The following TLN2 variants were observed in gnomAD, a reference collection of about 807,000 sequenced individuals.
TLN2 encodes talin-2.
In TLN2, 118 loss-of-function variants were observed where a neutral mutation model predicts 294.7. The ratio of observed to expected loss-of-function variants is 0.40; its 90% CI spans 0.34 to 0.47. The LOEUF is 0.47. Among genes scored for constraint, TLN2 ranks in the 20% least tolerant of loss-of-function variants. The pLI, the probability that TLN2 is intolerant of heterozygous loss-of-function variation, is 0.84. For synonymous variants in TLN2, 1,431 were observed against 1,304.5 expected, an observed-to-expected ratio of 1.10 and a Z score of -2.09; for missense variants, 3,083 against 3,282.2, an observed-to-expected ratio of 0.94 and a Z score of 1.48.
At chr15:62,498,811 G>A (rs946489248) in intron 1 of TLN2, among the ~76,000 whole-genome samples, 5 of 151,972 alleles carry the variant, frequency 3.3e-5, no homozygotes, top group African/African-American at 9.7e-5. Context: ...AGGAACAGGA[G>A]AGTCTGTGAA....
intron 43 of TLN2, among the ~76,000 whole-genome samples, chr15:62,779,907 C>T (rs111875713): frequency 1.6e-4 from 24 of 152,338 alleles, no homozygotes; most frequent in African/African-American, 5.5e-4. Flanking sequence ...CTTTCACTCA[C>T]AGTGCAGTAC....
At chr15:62,561,842 C>T (rs1438828002) in intron 1 of TLN2, among the ~76,000 whole-genome samples, 1 of 152,062 alleles carries the variant, frequency 6.6e-6, no homozygotes, top group African/African-American at 2.4e-5. Flanking sequence ...TGCTCCCTAC[C>T]CCACTTTTTC....
chr15:62,630,142 C>CTG (rs10683727), intron 3 of TLN2, among the ~76,000 whole-genome samples: 141,830 of 152,154 alleles, frequency 0.93, 66,229 homozygotes, highest in East Asian at 1. Flanking sequence ...ATTGGAAAAA[C>CTG]TGGAAATATG....
At position 62,655,576 on chromosome 15, in the gene TLN2, T is replaced by G. The variant is rs2053113209; in HGVS notation, c.518-368T>G. 5.9e-4 allele frequency among the ~76,000 whole-genome samples: 7 copies of G among 11,832 alleles called. 1 individual carries two copies. The highest frequency in any genetic ancestry group is 0.25 in the East Asian group (1 of 4). The allele number at this position is 11,832 out of a possible 152,430, so 7.8% of individuals were successfully genotyped here. A position where few individuals can be genotyped will look rare whatever the true frequency, so the allele number is the denominator to read the frequency against. ...CACCGGAGAGGCAGCATATTATACA[T>G]TCATTGTAGCACATGTCACCGTGGG... On this transcript the variant is annotated intron_variant, in intron 7 of 58. Transcript: ENST00000636159.
intron 9 of TLN2, among the ~76,000 whole-genome samples, chr15:62,660,389 A>C (rs1012408096): frequency 6.6e-6 from 1 of 152,194 alleles, no homozygotes; most frequent in Non-Finnish European, 1.5e-5. Context: ...ATATCCATCT[A>C]CTTTATTGAT....
At chr15:62,634,872 C>G (rs1390372087) in intron 3 of TLN2, among the ~76,000 whole-genome samples, 1 of 152,220 alleles carries the variant, frequency 6.6e-6, no homozygotes, top group Non-Finnish European at 1.5e-5. Context: ...TTCTTCTTCT[C>G]TCTGTCATTT....
intron 1 of TLN2, among the ~76,000 whole-genome samples, chr15:62,470,353 G>A (rs761599071): frequency 7.9e-5 from 12 of 152,336 alleles, no homozygotes; most frequent in Admixed American, 4.6e-4. Flanking sequence ...TGAGGAAAAC[G>A]AGACCCTGGC....
intron 2 of TLN2, among the ~76,000 whole-genome samples, chr15:62,609,008 G>A (rs1471796261): frequency 1.3e-5 from 2 of 152,090 alleles, no homozygotes; most frequent in Non-Finnish European, 2.9e-5. Flanking sequence ...AGGGAGCATA[G>A]AGGCCGGGCA....
intron 30 of TLN2, 114 bp from the exon 31 acceptor site, chr15:62,739,234 C>T (rs546722483): frequency 3.4e-5 from 41 of 1,192,704 alleles, no homozygotes; most frequent in African/African-American, 4.6e-5. Flanking sequence ...GCCTTTTAAT[C>T]GTGATGACTC....
intron 1 of TLN2, among the ~76,000 whole-genome samples, chr15:62,444,166 A>G (rs1435937851): frequency 6.6e-6 from 1 of 152,214 alleles, no homozygotes; most frequent in Non-Finnish European, 1.5e-5. Flanking sequence ...GAGAGGGAGA[A>G]GGCAGGCCAG....
At position 62,648,545 on chromosome 15, in the gene TLN2, A is replaced by ATTTT. The variant is rs749151123; in HGVS notation, c.136+1115_136+1118dup. On this transcript the variant is annotated intron_variant, in intron 4 of 58. Transcript: ENST00000636159. ...CTAAAACGTGATGATGATGATGACGATTTTTTTTTTTTTTTTTTTGAGATG... is the reference window on the plus strand; with the variant it reads ...CTAAAACGTGATGATGATGATGACGATTTTTTTTTTTTTTTTTTTTTTTGAGATG... 8.2e-4 allele frequency among the ~76,000 whole-genome samples: 99 copies of ATTTT among 120,642 alleles called. 5 individuals carry two copies. Among genetic ancestry groups the ATTTT allele is most frequent in the South Asian group, 1.3e-3 (5 of 3,736 alleles). 79.1% of individuals were successfully genotyped at this position (120,642 alleles called of 152,430 possible).
chr15:62,784,052 C>A, intron 45 of TLN2, 162 bp downstream of exon 45: 1 of 1,262,354 alleles, frequency 7.9e-7, no homozygotes, highest in South Asian at 1.5e-5. Flanking sequence ...GACCAGGTAG[C>A]CCCAGGCTGT....
At chr15:62,727,308 C>G (rs377622595) in intron 28 of TLN2, 119 bp downstream of exon 28, 1 of 882,772 alleles carries the variant, frequency 1.1e-6, no homozygotes, top group African/African-American at 1.7e-5. Flanking sequence ...AGCAGTTCAC[C>G]GTATATTTTT....
At chr15:62,833,069 TAGGGGGA>T (rs1009259426) in intron 54 of TLN2, 1 of 152,636 alleles carries the variant, frequency 6.6e-6, no homozygotes, top group African/African-American at 2.4e-5. Context: ...CTTTTGGAGT[TAGGGGGA>T]AGGGGCTGCA....
chr15:62,751,115 A>C (rs1434057488), intron 34 of TLN2, among the ~76,000 whole-genome samples: 4 of 152,190 alleles, frequency 2.6e-5, no homozygotes, highest in Admixed American at 2.0e-4. Flanking sequence ...AGGAAAAAAA[A>C]CATAAAAGGC....
At chr15:62,790,771 A>G (rs927055256) in intron 45 of TLN2, among the ~76,000 whole-genome samples, 2 of 152,196 alleles carry the variant, frequency 1.3e-5, no homozygotes, top group Non-Finnish European at 2.9e-5. Context: ...ATTATTTTCA[A>G]ACCAACAAAC....
intron 1 of TLN2, among the ~76,000 whole-genome samples, chr15:62,507,644 G>T (rs2039695405): frequency 6.6e-6 from 1 of 152,252 alleles, no homozygotes; most frequent in African/African-American, 2.4e-5. Context: ...AGTTAGTGCA[G>T]TGAGTTAATT....
At chr15:62,584,557 A>T (rs897606714) in intron 1 of TLN2, among the ~76,000 whole-genome samples, 1 of 152,204 alleles carries the variant, frequency 6.6e-6, no homozygotes, top group Non-Finnish European at 1.5e-5. Context: ...AAGTCAGTGC[A>T]GGGAAGCCAT....
Position 62,694,826 on chromosome 15 carries a change from T to G in TLN2, c.1292+434T>G, listed in dbSNP as rs572197589. On this transcript the variant is annotated intron_variant, in intron 14 of 58. Coordinates refer to ENST00000636159, the MANE Select transcript of TLN2 (RefSeq NM_015059.3). The stretch of plus-strand genomic sequence containing the variant: ...GAAGCACTGCTGCATGCCACGCTTG[T>G]CTCGAGTGCTGTGAGGTAGCATAGT... Among the ~76,000 whole-genome samples the G allele has an allele frequency of 7.2e-5, 11 of 152,278 alleles. No individual in the cohort carries two copies. In the South Asian group the frequency reaches 2.3e-3, roughly 32 times the overall value.
Sources: allele counts gnomAD v4.1 joint callset (sites outside exome capture counted in the v4.1 genomes callset), GRCh38; gene constraint gnomAD v4.1.1; transcripts MANE v1.5; gene names NCBI Gene and HGNC (gene_info 2026-07-23, HGNC 2026-07-21).